Variants in INSRR observed in about 807,000 individuals in gnomAD.
INSRR encodes the protein insulin receptor related receptor.
Under a neutral mutation model 130.0 loss-of-function variants are expected in INSRR, and 114 were observed. The observed-to-expected ratio is 0.88, with a 90% CI of 0.75 to 1.02. INSRR has a LOEUF of 1.02. INSRR is among the 50% of genes least tolerant of loss of function. INSRR has a pLI of 0.00. For missense variants in INSRR, 1,657 were observed against 1,735.2 expected (o/e 0.95, Z 0.80); for synonymous variants, 674 against 705.2 (o/e 0.96, Z 0.70).
intron 5 of INSRR, among the ~76,000 whole-genome samples, chr1:156,850,529 ACATT>A (rs1242161289): frequency 1.6e-4 from 22 of 135,686 alleles, no homozygotes; most frequent in African/African-American, 4.9e-4. Flanking sequence ...GTAATTTAAA[ACATT>A]CTTTTTTTTT....
chr1:156,841,621 C>T (rs1654787746), intron 20 of INSRR, 44 bp downstream of exon 20: 2 of 1,609,894 alleles, frequency 1.2e-6, no homozygotes, highest in Non-Finnish European at 1.7e-6. Context: ...TCCCCAGATC[C>T]CGCCTCCACA....
chr1:156,848,726 A>C (rs1054057650), intron 7 of INSRR, among the ~76,000 whole-genome samples, 195 bp downstream of exon 7: 2 of 152,162 alleles, frequency 1.3e-5, no homozygotes, highest in Admixed American at 1.3e-4. Context: ...TGGTGAGGGG[A>C]AACCGAGGCA....
chr1:156,844,937 G>T, intron 12 of INSRR, 94 bp from the exon 13 acceptor site: 1 of 1,573,724 alleles, frequency 6.4e-7, no homozygotes, highest in Non-Finnish European at 8.6e-7. Flanking sequence ...GGGAGGTGGG[G>T]AAAGCTTTGG....
chr1:156,852,692 G>A (rs1393099322), intron 2 of INSRR, among the ~76,000 whole-genome samples: 1 of 152,254 alleles, frequency 6.6e-6, no homozygotes, highest in African/African-American at 2.4e-5. Context: ...GCAGCAGTGG[G>A]AGGGTTTGGA....
At chr1:156,845,528 G>GCC in intron 10 of INSRR, 91 bp downstream of exon 10, 1 of 1,444,276 alleles carries the variant, frequency 6.9e-7, no homozygotes, top group Non-Finnish European at 9.2e-7. Context: ...CACAAGCAAG[G>GCC]CCCCACCCAC....
intron 5 of INSRR, among the ~76,000 whole-genome samples, chr1:156,850,076 A>G (rs746520459): frequency 1.7e-4 from 26 of 151,866 alleles, no homozygotes; most frequent in Non-Finnish European, 3.1e-4. Flanking sequence ...CTAATTTTGT[A>G]TTTTTTATAG....
In INSRR at chr1:156,854,343, G is replaced by A; in HGVS notation, c.86-40C>T. ...GGCACGCAGCATTGAGTACAGCCCA[G>A]GCCAAATTCCCCATCCAGCCCTGGC... On this transcript the variant is annotated intron_variant, in intron 1 of 21. Coordinates refer to ENST00000368195, the MANE Select transcript of INSRR (RefSeq NM_014215.3). This position sits in a 1 kb window ranked among gnomAD's most constrained non-coding sequence, Gnocchi z 4.2. 6.5e-7 allele frequency: 1 copy of A among 1,547,834 alleles called. No individual in the cohort carries two copies. Among genetic ancestry groups the A allele is most frequent in the Non-Finnish European group, 8.7e-7 (1 of 1,146,094 alleles).
rs202028545 is a variant in INSRR, at chr1:156,845,380, G to A, written c.2208C>T (p.Ser736=). ...GCCCTAGTCCTGCTCACCTTTGGGGGCTCTTGTTGATGGACGTCACCTTCC... is the reference window on the plus strand; with the variant it reads ...GCCCTAGTCCTGCTCACCTTTGGGGACTCTTGTTGATGGACGTCACCTTCC... ...SPWKVTSINK[S]PQRDSGRHRR... is the part of the protein sequence containing the mutation. Residue 736 remains serine (S), a synonymous_variant, in exon 11 of 22, where the codon AGC becomes AGT. Coordinates refer to ENST00000368195, the MANE Select transcript of INSRR (RefSeq NM_014215.3). 2 of 1,573,824 alleles carry A rather than the reference G, an allele frequency of 1.3e-6. No individual in the cohort carries two copies. The highest frequency in any genetic ancestry group is 2.2e-5 in the East Asian group (1 of 44,452).
chr1:156,851,600 A>G (rs1481201412), intron 4 of INSRR, 46 bp downstream of exon 4: 10 of 1,613,456 alleles, frequency 6.2e-6, no homozygotes, highest in Non-Finnish European at 8.5e-6. Context: ...TCTGGGAGGA[A>G]GGGTATGACC....
In INSRR at chr1:156,854,020, C is replaced by T. The variant is rs1229704946; in HGVS notation, c.369G>A (p.Leu123=). 1.2e-6 allele frequency: 2 copies of T among 1,613,960 alleles called. No individual in the cohort carries two copies. Among genetic ancestry groups the T allele is most frequent in the East Asian group, 2.2e-5 (1 of 44,876 alleles). ...CAAGTGCAGGCAGTGCCACGTCACG[C>T]AGATGTGGCATCTCAAAGATGACCA... is the stretch of plus-strand genomic sequence containing the variant. ...YALVIFEMPH[L]RDVALPALGA... Residue 123 remains leucine (L), a synonymous_variant, in exon 2 of 22, where the codon CTG becomes CTA. Coordinates refer to ENST00000368195, the MANE Select transcript of INSRR (RefSeq NM_014215.3). The surrounding 1 kb of genome is among the most constrained non-coding windows in gnomAD (Gnocchi z 4.2).
rs1408544891 is a variant in INSRR at position 156,848,843 on chromosome 1, C to T, written c.1571+78G>A. ...GTCTTCATAGCCTCGCTGAGCTCCGCCCTCACCTGCCTGTGGTCCCGAAGA... is the reference window on the plus strand; with the variant it reads ...GTCTTCATAGCCTCGCTGAGCTCCGTCCTCACCTGCCTGTGGTCCCGAAGA... On this transcript the variant is annotated intron_variant, in intron 7 of 21. Transcript: ENST00000368195. 4 of 1,497,564 alleles carry T rather than the reference C, an allele frequency of 2.7e-6. No homozygotes were observed. The African/African-American group carries it at 5.5e-5, about 21-fold the overall frequency. 92.8% of individuals were successfully genotyped at this position (1,497,564 alleles called of 1,614,324 possible).
rs145039687 is a variant in INSRR, at chr1:156,842,238, C to A, written c.3271G>T (p.Glu1091Ter). The change falls in exon 19 of 22, where the codon GAA becomes TAA. Residue 1091 changes from glutamate to a stop codon, truncating the protein, a stop_gained. Coordinates refer to ENST00000368195, the MANE Select transcript of INSRR (RefSeq NM_014215.3). LOFTEE classifies it high-confidence loss of function. ...NPGLPQPALG[E>*]MIQMAGEIAD... Reference sequence around the variant, plus strand: ...ATCTCACCAGCCATTTGGATCATTTCCCCCAATGCTGGCTGTGGGAGCCCA... The same window carrying A: ...ATCTCACCAGCCATTTGGATCATTTACCCCAATGCTGGCTGTGGGAGCCCA... 3 of 1,613,928 alleles carry A rather than the reference C, an allele frequency of 1.9e-6. No individual in the cohort carries two copies. Among genetic ancestry groups the A allele is most frequent in the Admixed American group, 3.3e-5 (2 of 59,998 alleles).
rs774011549 is a variant in INSRR at position 156,845,686 on chromosome 1, C to T, written c.2107G>A (p.Glu703Lys). ...TTCTGGAACGAGGCCTCTTGCGCCT[C>T]CAGCGGGGGCAGAACCTGACCAGGA... ...PPPGQVLPPL[E>K]AQEASFQKKF... Residue 703 changes from glutamate (E) to lysine (K), a missense_variant, in exon 10 of 22, where the codon GAG becomes AAG. By Grantham distance (56) the Glu-to-Lys change is moderately conservative (BLOSUM62 1). Transcript: ENST00000368195. The T allele has an allele frequency of 1.2e-6, 2 of 1,611,852 alleles. No individual in the cohort carries two copies. The highest frequency in any genetic ancestry group is 8.5e-7 in the Non-Finnish European group (1 of 1,179,266).
chr1:156,840,723 C>G lies in INSRR; in HGVS notation c.*150G>C, dbSNP rs1281130671. On this transcript the variant is annotated 3_prime_UTR_variant, in exon 22 of 22. Coordinates refer to ENST00000368195, the MANE Select transcript of INSRR (RefSeq NM_014215.3). ...ATGGTGAGACCCCTCTGCCCACCCCCACAGCCTTCCCTGCTCCTGTTCTCT... is the reference window on the plus strand; with the variant it reads ...ATGGTGAGACCCCTCTGCCCACCCCGACAGCCTTCCCTGCTCCTGTTCTCT... 2.0e-4 allele frequency: 134 copies of G among 662,950 alleles called. 1 individual carries two copies. The highest frequency in any genetic ancestry group is 8.0e-6 in the Non-Finnish European group (3 of 373,856). The allele number at this position is 662,950 out of a possible 1,614,324, so 41.1% of individuals were successfully genotyped here.
rs757934441 is a variant in INSRR at position 156,843,228 on chromosome 1, C to T, written c.2902G>A (p.Val968Ile). ...CGAGGCACCTCCCATTCATCAGGGA[C>T]ATACACTGCAAGGAGGTGGAGGGTC... ...PEYFSASDMY[V>I]PDEWEVPREQ... is the part of the protein sequence containing the mutation. Residue 968 changes from valine (V) to isoleucine (I), a missense_variant, in exon 17 of 22, where the codon GTC becomes ATC. Coordinates refer to ENST00000368195, the MANE Select transcript of INSRR (RefSeq NM_014215.3). 3 of 1,613,992 alleles carry T rather than the reference C, an allele frequency of 1.9e-6. No individual in the cohort carries two copies. The South Asian group carries it at 3.3e-5, about 18-fold the overall frequency.
In INSRR at chr1:156,841,714, C is replaced by T. The variant is rs1317248793; in HGVS notation, c.3478G>A (p.Ala1160Thr). The T allele has an allele frequency of 6.2e-7, 1 of 1,614,112 alleles. No homozygotes were observed. The highest frequency in any genetic ancestry group is 8.5e-7 in the Non-Finnish European group (1 of 1,180,010). ...ATCCCATCTTTGAGGGACTCGGGGGCCATCCAGCGCACGGGCAGCAGCCCC... is the reference window on the plus strand; with the variant it reads ...ATCCCATCTTTGAGGGACTCGGGGGTCATCCAGCGCACGGGCAGCAGCCCC... Reference protein sequence around the residue: ...GKGLLPVRWMAPESLKDGIFT... With the variant: ...GKGLLPVRWMTPESLKDGIFT... The change falls in exon 20 of 22, where the codon GCC (alanine) becomes ACC (threonine). Residue 1160 changes from alanine (A) to threonine (T), a missense_variant. Ala to Thr is a moderately conservative substitution (Grantham distance 58). Coordinates refer to ENST00000368195, the MANE Select transcript of INSRR (RefSeq NM_014215.3).
chr1:156,845,222 T>C lies in INSRR; in HGVS notation c.2291A>G (p.Glu764Gly). 6.2e-7 allele frequency: 1 copy of C among 1,609,940 alleles called. No individual in the cohort carries two copies. The highest frequency in any genetic ancestry group is 1.3e-5 in the African/African-American group (1 of 75,008). The change falls in exon 12 of 22, where the codon GAG (glutamate) becomes GGG (glycine). Residue 764 changes from glutamate to glycine, a missense_variant. Glu to Gly is a moderately conservative substitution (Grantham distance 98). Coordinates refer to ENST00000368195, the MANE Select transcript of INSRR (RefSeq NM_014215.3). ...GGNSSDFEIQ[E>G]DKVPRERAVL... is the part of the protein sequence containing the mutation. ...CGCTCGCTCACGGGGCACCTTGTCCTCCTGGATCTCGAAATCCGAGCTGTT... is the reference window on the plus strand; with the variant it reads ...CGCTCGCTCACGGGGCACCTTGTCCCCCTGGATCTCGAAATCCGAGCTGTT...
chr1:156,849,341 A>G lies in INSRR; in HGVS notation c.1349T>C (p.Leu450Ser), dbSNP rs765318790. 6.2e-7 allele frequency: 1 copy of G among 1,613,716 alleles called. No individual in the cohort carries two copies. The highest frequency in any genetic ancestry group is 8.5e-7 in the Non-Finnish European group (1 of 1,179,954). Reference sequence around the variant, plus strand: ...CTCCTCCAGTCGGTAGATGTGTTCCAAGCAGAGGCGCGGGTTGAAGGCGAA... The same window carrying G: ...CTCCTCCAGTCGGTAGATGTGTTCCGAGCAGAGGCGCGGGTTGAAGGCGAA... ...IYFAFNPRLCLEHIYRLEEVT... is the reference protein window; with the variant it reads ...IYFAFNPRLCSEHIYRLEEVT... The change falls in exon 6 of 22, where the codon TTG (leucine) becomes TCG (serine). Residue 450 changes from leucine to serine, a missense_variant. Leu to Ser is a moderately radical substitution (Grantham distance 145). Coordinates refer to ENST00000368195, the MANE Select transcript of INSRR (RefSeq NM_014215.3).
chr1:156,854,307 T>A lies in INSRR; in HGVS notation c.86-4A>T. Reference sequence around the variant, plus strand: ...CGAATATCCAGGCTGGGGCACACTGTGGGCATACACGGCACGCAGCATTGA... The same window carrying A: ...CGAATATCCAGGCTGGGGCACACTGAGGGCATACACGGCACGCAGCATTGA... On this transcript the variant is annotated splice_polypyrimidine_tract_variant and splice_region_variant and intron_variant, in intron 1 of 21. Coordinates refer to ENST00000368195, the MANE Select transcript of INSRR (RefSeq NM_014215.3). This position sits in a 1 kb window ranked among gnomAD's most constrained non-coding sequence, Gnocchi z 4.2. 6.2e-7 allele frequency: 1 copy of A among 1,606,290 alleles called. No individual in the cohort carries two copies. The highest frequency in any genetic ancestry group is 8.5e-7 in the Non-Finnish European group (1 of 1,176,808).
Sources: gnomAD v4.1 joint callset for allele counts (sites outside exome capture counted in the v4.1 genomes callset) on GRCh38, gnomAD v4.1.1 for gene constraint, Gnocchi (gnomAD v3.1) non-coding constraint, MANE v1.5 for transcripts, NCBI Gene and HGNC (gene_info 2026-07-23, HGNC 2026-07-21) for gene names.